Variants in PTPRD observed in about 807,000 individuals in gnomAD.
PTPRD encodes the protein receptor-type tyrosine-protein phosphatase delta.
Under a neutral mutation model 214.5 loss-of-function variants are expected in PTPRD, and 34 were observed. That is an observed-to-expected ratio of 0.16 (90% CI 0.12 to 0.21). The LOEUF is 0.21. PTPRD is among the 10% of genes least tolerant of loss of function. PTPRD has a pLI of 1.00. For synonymous variants in PTPRD, 1,128 were observed against 845.7 expected (o/e 1.33, Z -5.79); for missense variants, 2,545 against 2,398.7 (o/e 1.06, Z -1.27).
chr9:8,342,476 G>T (rs1326587463), intron 39 of PTPRD, among the ~76,000 whole-genome samples: 1 of 152,008 alleles, frequency 6.6e-6, no homozygotes, highest in Non-Finnish European at 1.5e-5. Context: ...AAACCCTTCA[G>T]GCTGAGGACA....
At chr9:9,955,486 G>C (rs12686276) in intron 4 of PTPRD, among the ~76,000 whole-genome samples, 1 of 151,294 alleles carries the variant, frequency 6.6e-6, no homozygotes, top group Non-Finnish European at 1.5e-5. Context: ...ATTGAACTCT[G>C]GATATTTGGG....
chr9:8,786,503 C>T (rs933538862), intron 11 of PTPRD, among the ~76,000 whole-genome samples: 7 of 148,916 alleles, frequency 4.7e-5, no homozygotes, highest in Admixed American at 1.4e-4. Flanking sequence ...CTTCGCTTCC[C>T]GGGTTCAAAA....
At chr9:9,068,026 C>G (rs187160225) in intron 10 of PTPRD, among the ~76,000 whole-genome samples, 5 of 152,334 alleles carry the variant, frequency 3.3e-5, no homozygotes, top group Non-Finnish European at 7.3e-5. Flanking sequence ...CAACACTGCT[C>G]TGTTCTCCAC....
chr9:10,040,907 T>A (rs1043284638), intron 3 of PTPRD, among the ~76,000 whole-genome samples: 1 of 152,054 alleles, frequency 6.6e-6, no homozygotes, highest in African/African-American at 2.4e-5. Context: ...ATTGGGCAAC[T>A]CCACCCTCTT....
At chr9:9,911,741 CTT>C (rs1209317536) in intron 5 of PTPRD, among the ~76,000 whole-genome samples, 3 of 151,906 alleles carry the variant, frequency 2.0e-5, no homozygotes, top group African/African-American at 7.2e-5. Flanking sequence ...ATTAATATAA[CTT>C]TTTATTTCTA....
chr9:9,172,371 C>T (rs1338653557), intron 10 of PTPRD, among the ~76,000 whole-genome samples: 3 of 152,020 alleles, frequency 2.0e-5, no homozygotes, highest in Non-Finnish European at 2.9e-5. Context: ...GTTTGGGATC[C>T]AAGCATGTAT....
chr9:10,403,779 G>A (rs1407166344), intron 2 of PTPRD, among the ~76,000 whole-genome samples: 1 of 151,694 alleles, frequency 6.6e-6, no homozygotes, highest in East Asian at 1.9e-4. Context: ...GTAACTATAT[G>A]ACATTCCGGA....
chr9:9,805,777 C>G (rs749546443), intron 5 of PTPRD, among the ~76,000 whole-genome samples: 19 of 152,092 alleles, frequency 1.2e-4, no homozygotes, highest in Admixed American at 2.0e-4. Flanking sequence ...TGTTTATCAG[C>G]GTCTTGCTTA....
chr9:9,087,724 T>A (rs2099769252), intron 10 of PTPRD, among the ~76,000 whole-genome samples: 1 of 152,044 alleles, frequency 6.6e-6, no homozygotes, highest in Non-Finnish European at 1.5e-5. Context: ...TGTAGTAATT[T>A]TTCCAAAGTT....
intron 5 of PTPRD, among the ~76,000 whole-genome samples, chr9:9,869,917 AC>A (rs1343931524): frequency 1.3e-5 from 2 of 152,080 alleles, no homozygotes; most frequent in Non-Finnish European, 2.9e-5. Context: ...CCACTAGATG[AC>A]ATTAAGCAAT....
intron 11 of PTPRD, among the ~76,000 whole-genome samples, chr9:8,902,397 C>T (rs1435429692): frequency 2.7e-5 from 4 of 147,448 alleles, no homozygotes; most frequent in Non-Finnish European, 3.0e-5. Flanking sequence ...GGCTGGAGTG[C>T]AGAGGTGTGA....
chr9:9,625,094 T>C (rs534262133), intron 7 of PTPRD, among the ~76,000 whole-genome samples: 144 of 152,312 alleles, frequency 9.5e-4, no homozygotes, highest in African/African-American at 3.3e-3. Flanking sequence ...ATCAAATTAT[T>C]CGAAGTCACC....
chr9:10,188,680 A>C (rs1056567781), intron 3 of PTPRD, among the ~76,000 whole-genome samples: 8 of 152,126 alleles, frequency 5.3e-5, no homozygotes, highest in African/African-American at 1.9e-4. Context: ...ATGGGTGTGC[A>C]TGAGCATTCA....
chr9:10,349,760 A>G (rs1186468112), intron 2 of PTPRD, among the ~76,000 whole-genome samples: 1 of 152,224 alleles, frequency 6.6e-6, no homozygotes, highest in African/African-American at 2.4e-5. Context: ...TGCATCACAA[A>G]GAAGTCCACA....
At chr9:10,190,402 A>G (rs1421828696) in intron 3 of PTPRD, among the ~76,000 whole-genome samples, 8 of 76,594 alleles carry the variant, frequency 1.0e-4, no homozygotes, top group African/African-American at 5.2e-4. Context: ...AAAAAAAAAA[A>G]AAAAAAAAAA....
intron 8 of PTPRD, among the ~76,000 whole-genome samples, chr9:9,491,232 C>A (rs772260153): frequency 2.8e-4 from 43 of 151,894 alleles, no homozygotes; most frequent in Non-Finnish European, 5.8e-4. Flanking sequence ...TTAAAAATTT[C>A]AATACAGCAC....
intron 8 of PTPRD, among the ~76,000 whole-genome samples, chr9:9,500,324 G>T (rs2096366731): frequency 6.6e-6 from 1 of 152,084 alleles, no homozygotes; most frequent in African/African-American, 2.4e-5. Flanking sequence ...TCAGGCACTG[G>T]ACGATATGCA....
chr9:9,886,341 C>G (rs75508340), intron 5 of PTPRD, among the ~76,000 whole-genome samples: 1 of 152,022 alleles, frequency 6.6e-6, no homozygotes, highest in Non-Finnish European at 1.5e-5. Flanking sequence ...TTTACATAAA[C>G]AAGAGTAATA....
intron 4 of PTPRD, among the ~76,000 whole-genome samples, chr9:10,022,261 C>G (rs1343870959): frequency 1.2e-5 from 1 of 85,946 alleles, no homozygotes; most frequent in Admixed American, 1.4e-4. Context: ...ACAGGAATAA[C>G]CAAACCTGGA....
Sources: allele counts gnomAD v4.1 joint callset (sites outside exome capture counted in the v4.1 genomes callset), GRCh38; gene constraint gnomAD v4.1.1; transcripts MANE v1.5; gene names NCBI Gene and HGNC (gene_info 2026-07-23, HGNC 2026-07-21).